TEAD1: variants seen among roughly 807,000 people sequenced by gnomAD.
TEAD1 encodes transcriptional enhancer factor TEF-1.
TEAD1 carries 9 observed loss-of-function variants against 54.9 expected under a neutral mutation model. That is an observed-to-expected ratio of 0.16 (90% CI 0.10 to 0.29). The LOEUF is 0.29. Ranked by LOEUF, TEAD1 falls within the 10% of genes least tolerant of loss-of-function variation. TEAD1 has a pLI of 1.00. For synonymous variants in TEAD1, 200 were observed against 187.8 expected (o/e 1.07, Z -0.53); for missense variants, 387 against 535.9 (o/e 0.72, Z 2.74).
At chr11:12,740,942 G>C (rs1944638709) in intron 2 of TEAD1, among the ~76,000 whole-genome samples, 1 of 151,910 alleles carries the variant, frequency 6.6e-6, no homozygotes, top group South Asian at 2.1e-4. Context: ...GTCTGAACTT[G>C]TATCTGATGT....
At chr11:12,714,438 C>T (rs1043672683) in intron 2 of TEAD1, among the ~76,000 whole-genome samples, 6 of 152,094 alleles carry the variant, frequency 3.9e-5, no homozygotes, top group African/African-American at 1.4e-4. Flanking sequence ...GTTGCCCAGG[C>T]TGGAGTGCGG....
chr11:12,732,330 A>G (rs929736806), intron 2 of TEAD1, among the ~76,000 whole-genome samples: 1 of 152,218 alleles, frequency 6.6e-6, no homozygotes, highest in Non-Finnish European at 1.5e-5. Flanking sequence ...GGCCAAGACC[A>G]TATCCTATTA....
chr11:12,704,636 G>A (rs964483736), intron 2 of TEAD1, among the ~76,000 whole-genome samples: 1 of 152,184 alleles, frequency 6.6e-6, no homozygotes, highest in Non-Finnish European at 1.5e-5. Context: ...CATTAATCAC[G>A]TTGTCGTCTG....
intron 3 of TEAD1, among the ~76,000 whole-genome samples, chr11:12,778,646 C>T (rs1564936648): frequency 6.6e-6 from 1 of 151,714 alleles, no homozygotes. Flanking sequence ...AGTATGGTCC[C>T]TGGCACACAT....
intron 4 of TEAD1, 22 bp from the exon 5 acceptor site, chr11:12,864,816 C>A: frequency 1.2e-6 from 2 of 1,613,910 alleles, no homozygotes; most frequent in Non-Finnish European, 1.7e-6. Context: ...CCTTTGTTTT[C>A]CTCCCTTCCC....
intron 9 of TEAD1, among the ~76,000 whole-genome samples, chr11:12,894,072 C>T (rs1375445224): frequency 6.6e-6 from 1 of 152,158 alleles, no homozygotes; most frequent in Non-Finnish European, 1.5e-5. Context: ...GTGATTTGTC[C>T]TTGTTCTGTT....
intron 12 of TEAD1, among the ~76,000 whole-genome samples, chr11:12,933,311 T>G (rs957982431): frequency 1.3e-5 from 2 of 152,178 alleles, no homozygotes; most frequent in South Asian, 2.1e-4. Flanking sequence ...CAATATATAT[T>G]AGAATTAATA....
intron 9 of TEAD1, among the ~76,000 whole-genome samples, chr11:12,885,462 C>T (rs1948068751): frequency 6.6e-6 from 1 of 152,046 alleles, no homozygotes; most frequent in African/African-American, 2.4e-5. Flanking sequence ...TGGTCTCGAT[C>T]TCCTGACCTT....
chr11:12,723,833 G>C (rs556877302), intron 2 of TEAD1, among the ~76,000 whole-genome samples: 1 of 149,842 alleles, frequency 6.7e-6, no homozygotes, highest in Non-Finnish European at 1.5e-5. Flanking sequence ...CGAAATCTTA[G>C]AAAGGTGTGT....
intron 10 of TEAD1, among the ~76,000 whole-genome samples, chr11:12,905,876 C>T (rs898697112): frequency 2.6e-5 from 4 of 152,144 alleles, no homozygotes; most frequent in East Asian, 1.9e-4. Flanking sequence ...GGCTAGACCA[C>T]GTGAGGGGTT....
Position 12,752,883 on chromosome 11 carries a change from C to A in TEAD1, c.-54-11296C>A, listed in dbSNP as rs184648197. ...TTTAAGACAGTGTCTCACACTCTCT[C>A]AGGCCAGAGTGCGGTGGCGTGATCA... On this transcript the variant is annotated intron_variant, in intron 2 of 12. Coordinates refer to ENST00000527636, the MANE Select transcript of TEAD1 (RefSeq NM_021961.6). 1.7e-3 allele frequency among the ~76,000 whole-genome samples: 260 copies of A among 151,778 alleles called. 6 individuals carry two copies. The highest frequency in any genetic ancestry group is 0.017 in the Admixed American group (252 of 15,256).
In TEAD1 at chr11:12,902,069, T is replaced by C; in HGVS notation, c.829T>C (p.Phe277Leu). The change falls in exon 10 of 13, where the codon TTT (phenylalanine) becomes CTT (leucine). Residue 277 changes from phenylalanine to leucine, a missense_variant. Phe to Leu is a conservative substitution (Grantham distance 22). Transcript: ENST00000527636. ...AAAGAAAGGTGGCTTAAAGGAACTGTTTGGAAAGGGCCCTCAAAATGCCTT... is the reference window on the plus strand; with the variant it reads ...AAAGAAAGGTGGCTTAAAGGAACTGCTTGGAAAGGGCCCTCAAAATGCCTT... 1.9e-6 allele frequency: 3 copies of C among 1,614,214 alleles called. No homozygotes were observed. Among genetic ancestry groups the C allele is most frequent in the East Asian group, 2.2e-5 (1 of 44,886 alleles).
In TEAD1 at chr11:12,939,721, A is replaced by C. The variant is rs934653318; in HGVS notation, c.*2499A>C. The C allele has an allele frequency of 4.6e-5, 7 of 152,230 alleles. No homozygotes were observed. The highest frequency in any genetic ancestry group is 1.4e-4 in the African/African-American group (6 of 41,440). The allele number at this position is 152,230 out of a possible 1,614,324, so 9.4% of individuals were successfully genotyped here. On this transcript the variant is annotated 3_prime_UTR_variant, in exon 13 of 13. Coordinates refer to ENST00000527636, the MANE Select transcript of TEAD1 (RefSeq NM_021961.6). ...TTGAGGTTTACTCCTTGCTCTTACA[A>C]CATTTCTAAGGATTTTTAAAAGTTT...
chr11:12,939,250 G>T lies in TEAD1; in HGVS notation c.*2028G>T, dbSNP rs1380176248. ...GCTGGCCTGTGAAGGATTGCCCCAG[G>T]TGTCCCCTTTCACGGTTGTCACATT... On this transcript the variant is annotated 3_prime_UTR_variant, in exon 13 of 13. Coordinates refer to ENST00000527636, the MANE Select transcript of TEAD1 (RefSeq NM_021961.6). The T allele has an allele frequency of 6.6e-6, 1 of 152,296 alleles. No homozygotes were observed. Among genetic ancestry groups the T allele is most frequent in the Admixed American group, 6.5e-5 (1 of 15,272 alleles). The allele number at this position is 152,296 out of a possible 1,614,324, so 9.4% of individuals were successfully genotyped here.
Position 12,678,289 on chromosome 11 carries a change from A to G in TEAD1, c.-55+2728A>G, listed in dbSNP as rs539706161. Among the ~76,000 whole-genome samples, 43 of 152,356 alleles carry G rather than the reference A, an allele frequency of 2.8e-4. No homozygotes were observed. The South Asian group carries it at 7.7e-3, about 27-fold the overall frequency. ...TTAGTGACTGGAACTGCAAACTGCT[A>G]ATGTCCAACTTTTGGACTCAGCCAG... is the stretch of plus-strand genomic sequence containing the variant. On this transcript the variant is annotated intron_variant, in intron 2 of 12. Transcript: ENST00000527636.
At chr11:12,839,025 A>T (rs913463536) in intron 3 of TEAD1, among the ~76,000 whole-genome samples, 3 of 151,878 alleles carry the variant, frequency 2.0e-5, no homozygotes, top group Admixed American at 6.6e-5. Context: ...TTAGGACAGA[A>T]CTCTGAGCAT....
chr11:12,881,098 G>A (rs1290416117), intron 7 of TEAD1, 47 bp downstream of exon 7: 1 of 1,602,534 alleles, frequency 6.2e-7, no homozygotes, highest in South Asian at 1.1e-5. Flanking sequence ...GCTGGTCCCA[G>A]CCCACGTGGG....
chr11:12,882,446 CTG>C (rs1947993186), intron 8 of TEAD1, among the ~76,000 whole-genome samples: 1 of 152,170 alleles, frequency 6.6e-6, no homozygotes, highest in African/African-American at 2.4e-5. Flanking sequence ...CCATCCCCAC[CTG>C]TGTGTGTAGA....
chr11:12,926,727 A>G (rs1948909045), intron 11 of TEAD1, among the ~76,000 whole-genome samples: 1 of 152,184 alleles, frequency 6.6e-6, no homozygotes, highest in South Asian at 2.1e-4. Context: ...CACTAGCCCT[A>G]GGATAAGTAG....
Sources: allele counts gnomAD v4.1 joint callset (sites outside exome capture counted in the v4.1 genomes callset), GRCh38; gene constraint gnomAD v4.1.1; transcripts MANE v1.5; gene names NCBI Gene and HGNC (gene_info 2026-07-23, HGNC 2026-07-21).